The following THRB variants were observed in gnomAD, a reference collection of about 807,000 sequenced individuals.
The protein encoded by THRB is nuclear receptor subfamily 1 group A member 2.
THRB carries 12 observed loss-of-function variants against 47.8 expected under a neutral mutation model. That is an observed-to-expected ratio of 0.25 (90% CI 0.16 to 0.41). The LOEUF is 0.41. Among genes scored for constraint, THRB ranks in the 10% least tolerant of loss-of-function variants. The pLI, the probability that THRB is intolerant of heterozygous loss-of-function variation, is 1.00. For missense variants in THRB, 348 were observed against 589.2 expected, an observed-to-expected ratio of 0.59 and a Z score of 4.24; for synonymous variants, 218 against 212.2, an observed-to-expected ratio of 1.03 and a Z score of -0.24.
intron 1 of THRB, among the ~76,000 whole-genome samples, chr3:24,376,650 A>AG (rs1034236515): frequency 4.0e-5 from 6 of 151,544 alleles, no homozygotes; most frequent in Admixed American, 2.6e-4. Context: ...GACTCCAAAA[A>AG]AAGGCAATGC....
chr3:24,423,058 C>G (rs907445111), intron 1 of THRB, among the ~76,000 whole-genome samples: 2 of 151,796 alleles, frequency 1.3e-5, no homozygotes, highest in Non-Finnish European at 2.9e-5. Flanking sequence ...AAACTAGCTA[C>G]GCAGTGGGCC....
intron 1 of THRB, among the ~76,000 whole-genome samples, chr3:24,464,394 TCTTGA>T (rs1346325467): frequency 1.3e-5 from 2 of 152,238 alleles, no homozygotes; most frequent in African/African-American, 4.8e-5. Context: ...CTTTCTAAGA[TCTTGA>T]CTTAATATTT....
intron 3 of THRB, among the ~76,000 whole-genome samples, chr3:24,287,707 T>G (rs1023411154): frequency 6.6e-6 from 1 of 152,182 alleles, no homozygotes; most frequent in Non-Finnish European, 1.5e-5. Flanking sequence ...TTTAAAATGT[T>G]TTTGGGATGA....
At chr3:24,406,387 T>C (rs997211128) in intron 1 of THRB, among the ~76,000 whole-genome samples, 1 of 151,818 alleles carries the variant, frequency 6.6e-6, no homozygotes, top group Non-Finnish European at 1.5e-5. Context: ...ATAAAAATGA[T>C]AGAAATTTTC....
At chr3:24,284,278 A>AT (rs1375750673) in intron 3 of THRB, among the ~76,000 whole-genome samples, 2 of 151,878 alleles carry the variant, frequency 1.3e-5, no homozygotes, top group Non-Finnish European at 2.9e-5. Flanking sequence ...ATAACGCCAC[A>AT]TATCTACAAC....
chr3:24,136,228 G>A (rs967109355), intron 8 of THRB, among the ~76,000 whole-genome samples: 5 of 152,102 alleles, frequency 3.3e-5, no homozygotes, highest in African/African-American at 1.2e-4. Context: ...ATATATCAAG[G>A]TAGAATAAAA....
chr3:24,326,254 G>A (rs1421115867), intron 2 of THRB, among the ~76,000 whole-genome samples: 3 of 151,970 alleles, frequency 2.0e-5, no homozygotes, highest in Non-Finnish European at 2.9e-5. Flanking sequence ...TTTATTTTTC[G>A]AGATGAAGTC....
In THRB at chr3:24,195,014, C is replaced by T. The variant is rs1036279651; in HGVS notation, c.23-4680G>A. ...CTGCATTAGGGGTGTGTGTATAAAACGTGCTTTGTAAACCCAGAGAGTGTG... is the reference window on the plus strand; with the variant it reads ...CTGCATTAGGGGTGTGTGTATAAAATGTGCTTTGTAAACCCAGAGAGTGTG... On this transcript the variant is annotated intron_variant, in intron 4 of 10. Coordinates refer to ENST00000646209, the MANE Select transcript of THRB (RefSeq NM_001354712.2). Among the ~76,000 whole-genome samples the T allele has an allele frequency of 5.3e-5, 8 of 152,162 alleles. No homozygotes were observed. In the East Asian group the frequency reaches 5.8e-4, roughly 11 times the overall value.
At chr3:24,149,858 G>A (rs778551362) in intron 6 of THRB, among the ~76,000 whole-genome samples, 1 of 152,186 alleles carries the variant, frequency 6.6e-6, no homozygotes, top group Admixed American at 6.5e-5. Context: ...GCTGACAAAA[G>A]AGATGCCCTG....
At chr3:24,409,418 A>G (rs982141436) in intron 1 of THRB, among the ~76,000 whole-genome samples, 2 of 151,896 alleles carry the variant, frequency 1.3e-5, no homozygotes, top group African/African-American at 4.8e-5. Context: ...GGGAGGCAAT[A>G]TAGCATAGCA....
At chr3:24,258,223 C>T (rs2051524765) in intron 3 of THRB, among the ~76,000 whole-genome samples, 1 of 152,130 alleles carries the variant, frequency 6.6e-6, no homozygotes, top group Non-Finnish European at 1.5e-5. Flanking sequence ...CCCAGCAATG[C>T]AAGCGACGCC....
rs886159551 is a variant in THRB, at chr3:24,126,177, G to A, written c.1144+1322C>T. Among the ~76,000 whole-genome samples, 3 of 152,106 alleles carry A rather than the reference G, an allele frequency of 2.0e-5. No homozygotes were observed. In the South Asian group the frequency reaches 6.2e-4, roughly 32 times the overall value. On this transcript the variant is annotated intron_variant, in intron 10 of 10. Transcript: ENST00000646209. ...GGAGGCTGAGGTGAGAAGATCACTT[G>A]AGCCCAGGAGTTCAAGACCAGACTG...
At chr3:24,407,417 G>A (rs1241529290) in intron 1 of THRB, among the ~76,000 whole-genome samples, 1 of 151,636 alleles carries the variant, frequency 6.6e-6, no homozygotes, top group Non-Finnish European at 1.5e-5. Flanking sequence ...TATTTTCAGG[G>A]GATGTGTATA....
At chr3:24,217,989 G>T (rs1235444171) in intron 4 of THRB, among the ~76,000 whole-genome samples, 7 of 152,020 alleles carry the variant, frequency 4.6e-5, no homozygotes, top group African/African-American at 1.7e-4. Context: ...TTTCCTGGCC[G>T]GGTGCTGTGG....
chr3:24,337,108 A>G (rs923225899), intron 2 of THRB, among the ~76,000 whole-genome samples, 192 bp downstream of exon 2: 5 of 152,200 alleles, frequency 3.3e-5, no homozygotes, highest in Non-Finnish European at 7.3e-5. Flanking sequence ...GTGAATCAGT[A>G]TCATTGCTTT....
chr3:24,248,081 AAAGGTTAC>A (rs2050284736), intron 3 of THRB, among the ~76,000 whole-genome samples: 1 of 152,096 alleles, frequency 6.6e-6, no homozygotes, highest in South Asian at 2.1e-4. Context: ...TGAGTTCAGT[AAAGGTTAC>A]ATGGTTTCTC....
intron 3 of THRB, among the ~76,000 whole-genome samples, chr3:24,279,235 T>C (rs953503154): frequency 3.9e-5 from 6 of 152,152 alleles, no homozygotes; most frequent in Admixed American, 3.9e-4. Context: ...AATAGAAAAC[T>C]TGAACATGTT....
chr3:24,215,989 TG>T (rs1299730307), intron 4 of THRB, among the ~76,000 whole-genome samples: 1 of 152,238 alleles, frequency 6.6e-6, no homozygotes, highest in East Asian at 1.9e-4. Flanking sequence ...AATAAAATTC[TG>T]TTGTACTAAG....
chr3:24,290,446 T>C (rs940391796), intron 3 of THRB, among the ~76,000 whole-genome samples: 2 of 152,188 alleles, frequency 1.3e-5, no homozygotes. Context: ...GTGAGCATCA[T>C]ATCCTGGGCA....
Sources: allele counts gnomAD v4.1 joint callset (sites outside exome capture counted in the v4.1 genomes callset), GRCh38; gene constraint gnomAD v4.1.1; transcripts MANE v1.5; gene names NCBI Gene and HGNC (gene_info 2026-07-23, HGNC 2026-07-21).